Variants in RBFOX1 observed in about 807,000 individuals in gnomAD.
RBFOX1 encodes RNA binding fox-1 homolog 1.
RBFOX1 carries 8 observed loss-of-function variants against 57.7 expected under a neutral mutation model. That is an observed-to-expected ratio of 0.14 (90% CI 0.08 to 0.25). The LOEUF (loss-of-function observed/expected upper bound fraction) is 0.25, where lower values mean the gene tolerates loss of function less well. Ranked by LOEUF, RBFOX1 falls within the 10% of genes least tolerant of loss-of-function variation. RBFOX1 has a pLI of 1.00. For missense variants in RBFOX1, 611 were observed against 548.5 expected (o/e 1.11, Z -1.14); for synonymous variants, 326 against 222.4 (o/e 1.47, Z -4.15).
chr16:6,586,055 A>T (rs1167887911), intron 2 of RBFOX1, among the ~76,000 whole-genome samples: 2 of 152,218 alleles, frequency 1.3e-5, no homozygotes, highest in Non-Finnish European at 2.9e-5. Context: ...GCTGTATTTA[A>T]TAGTGAAGTT....
rs985869520 is a variant in RBFOX1, at chr16:6,771,470, A to C, written c.-16+116820A>C. The stretch of plus-strand genomic sequence containing the variant: ...TCTTCTTAGATATGATCCAGATAGC[A>C]GAGAGACTTTCTGATGCCTAAGTCA... On this transcript the variant is annotated intron_variant, in intron 3 of 15. Transcript: ENST00000550418. 2.0e-5 allele frequency among the ~76,000 whole-genome samples: 3 copies of C among 152,162 alleles called. No homozygotes were observed. In the South Asian group the frequency reaches 6.2e-4, roughly 32 times the overall value.
At chr16:6,871,088 ATCTT>A (rs548827314) in intron 3 of RBFOX1, among the ~76,000 whole-genome samples, 9 of 152,334 alleles carry the variant, frequency 5.9e-5, no homozygotes, top group African/African-American at 1.9e-4. Flanking sequence ...AAGATGACTT[ATCTT>A]TCTTCTTACA....
At chr16:7,004,746 C>A (rs1242822634) in intron 3 of RBFOX1, among the ~76,000 whole-genome samples, 1 of 152,162 alleles carries the variant, frequency 6.6e-6, no homozygotes, top group Non-Finnish European at 1.5e-5. Flanking sequence ...GGAGAAGTAG[C>A]TGTGAGACAC....
intron 3 of RBFOX1, among the ~76,000 whole-genome samples, chr16:6,795,734 C>G (rs1039830483): frequency 4.0e-5 from 6 of 150,862 alleles, no homozygotes; most frequent in African/African-American, 1.5e-4. Flanking sequence ...CCACTGCACT[C>G]TAGCCTGGGT....
chr16:6,579,921 T>C (rs2097509878), intron 2 of RBFOX1, among the ~76,000 whole-genome samples: 1 of 152,098 alleles, frequency 6.6e-6, no homozygotes, highest in African/African-American at 2.4e-5. Flanking sequence ...ATATTCTATG[T>C]ATAGGTTCAT....
At chr16:6,719,959 T>C (rs1445239639) in intron 3 of RBFOX1, among the ~76,000 whole-genome samples, 2 of 151,816 alleles carry the variant, frequency 1.3e-5, no homozygotes, top group African/African-American at 4.8e-5. Context: ...CCGGGGGTGA[T>C]GGCAGGCGTC....
At chr16:7,579,056 A>G (rs2093552622) in intron 5 of RBFOX1, among the ~76,000 whole-genome samples, 1 of 152,210 alleles carries the variant, frequency 6.6e-6, no homozygotes, top group Non-Finnish European at 1.5e-5. Flanking sequence ...TCAGTATGGA[A>G]GCAATAACTA....
chr16:6,954,805 G>A (rs1397928153), intron 3 of RBFOX1, among the ~76,000 whole-genome samples: 2 of 152,100 alleles, frequency 1.3e-5, no homozygotes, highest in Non-Finnish European at 2.9e-5. Flanking sequence ...GCAGGTAGAA[G>A]GGTTCGAACC....
chr16:6,324,169 C>T (rs553444708), intron 2 of RBFOX1, among the ~76,000 whole-genome samples: 1 of 120,772 alleles, frequency 8.3e-6, no homozygotes, highest in Non-Finnish European at 1.6e-5. Flanking sequence ...TTCTGAGTCT[C>T]CATAGTTCAT....
At chr16:7,075,643 C>T (rs2058151424) in intron 4 of RBFOX1, among the ~76,000 whole-genome samples, 1 of 151,986 alleles carries the variant, frequency 6.6e-6, no homozygotes, top group South Asian at 2.1e-4. Flanking sequence ...TGCAGTGGTG[C>T]GATCTTGGCT....
In RBFOX1 at chr16:7,033,851, C is replaced by T. The variant is rs117690884; in HGVS notation, c.-15-18206C>T. 7.1e-4 allele frequency among the ~76,000 whole-genome samples: 108 copies of T among 152,212 alleles called. 3 individuals carry two copies. The East Asian group carries it at 0.019, about 26-fold the overall frequency. ...CACTAGAGTGGCATCTGCCTGTGGG[C>T]CCAGCTACTCAGGAGGCTGGGGCAG... On this transcript the variant is annotated intron_variant, in intron 3 of 15. Coordinates refer to ENST00000550418, the MANE Select transcript of RBFOX1 (RefSeq NM_018723.4).
intron 4 of RBFOX1, among the ~76,000 whole-genome samples, chr16:5,899,716 G>T (rs1016340480): frequency 2.1e-4 from 32 of 152,310 alleles, no homozygotes; most frequent in African/African-American, 7.5e-4. Flanking sequence ...GGCCATGGAA[G>T]ATTCCAACCC....
chr16:7,444,339 A>G (rs189597829), intron 4 of RBFOX1, among the ~76,000 whole-genome samples: 1 of 152,216 alleles, frequency 6.6e-6, no homozygotes, highest in Non-Finnish European at 1.5e-5. Flanking sequence ...CGTAAGATAT[A>G]CCTATTCAGA....
At chr16:7,447,840 C>G (rs746159393) in intron 4 of RBFOX1, among the ~76,000 whole-genome samples, 1 of 152,248 alleles carries the variant, frequency 6.6e-6, no homozygotes, top group African/African-American at 2.4e-5. Context: ...TTAACCTAGC[C>G]TAGAACAGAT....
At position 7,283,186 on chromosome 16, in the gene RBFOX1, A is replaced by G. The variant is rs77405059; in HGVS notation, c.27+231088A>G. ...TTAAGGAATCTCCACATGATTTTCC[A>G]TAGTGGTGGGTTAAGCATTTTGACT... On this transcript the variant is annotated intron_variant, in intron 4 of 15. Coordinates refer to ENST00000550418, the MANE Select transcript of RBFOX1 (RefSeq NM_018723.4). Among the ~76,000 whole-genome samples the G allele has an allele frequency of 3.6e-3, 551 of 151,996 alleles. 5 individuals are homozygous for G. The highest frequency in any genetic ancestry group is 0.013 in the African/African-American group (527 of 41,486).
At chr16:6,671,621 C>T (rs1210382215) in intron 3 of RBFOX1, among the ~76,000 whole-genome samples, 2 of 152,096 alleles carry the variant, frequency 1.3e-5, no homozygotes, top group African/African-American at 4.8e-5. Context: ...TGCTCCCCAC[C>T]CTTTCCGCCT....
intron 3 of RBFOX1, among the ~76,000 whole-genome samples, chr16:5,647,910 A>G (rs1165439963): frequency 6.6e-6 from 1 of 152,110 alleles, no homozygotes; most frequent in Non-Finnish European, 1.5e-5. Context: ...CTCAGCCTGA[A>G]GTGCAGTGGC....
rs577712741 is a variant in RBFOX1 at position 7,254,096 on chromosome 16, C to T, written c.27+201998C>T. On this transcript the variant is annotated intron_variant, in intron 4 of 15. Transcript: ENST00000550418. Reference sequence around the variant, plus strand: ...GTTGTTGTGCTAAGAATGCCCTTTACTTCCACCTGTTATTTTAATTCTCAC... The same window carrying T: ...GTTGTTGTGCTAAGAATGCCCTTTATTTCCACCTGTTATTTTAATTCTCAC... 6.6e-5 allele frequency among the ~76,000 whole-genome samples: 10 copies of T among 152,232 alleles called. No homozygotes were observed. In the South Asian group the frequency reaches 2.1e-3, roughly 32 times the overall value.
chr16:6,715,710 G>A (rs920869654), intron 3 of RBFOX1, among the ~76,000 whole-genome samples: 2 of 152,162 alleles, frequency 1.3e-5, no homozygotes, highest in Non-Finnish European at 2.9e-5. Context: ...GAAATGCCTG[G>A]TTTGTTGTTT....
Sources: allele counts gnomAD v4.1 joint callset (sites outside exome capture counted in the v4.1 genomes callset), GRCh38; gene constraint gnomAD v4.1.1; transcripts MANE v1.5; gene names NCBI Gene and HGNC (gene_info 2026-07-23, HGNC 2026-07-21).